Variants in ADGRE5 observed in about 807,000 individuals in gnomAD.
ADGRE5 encodes CD97 molecule.
In ADGRE5, 72 loss-of-function variants were observed where a neutral mutation model predicts 100.3. The observed-to-expected ratio is 0.72, with a 90% CI of 0.59 to 0.87. The LOEUF (loss-of-function observed/expected upper bound fraction) is 0.87, where lower values mean the gene tolerates loss of function less well. Among genes scored for constraint, ADGRE5 ranks in the 40% least tolerant of loss-of-function variants. The pLI, the probability that ADGRE5 is intolerant of heterozygous loss-of-function variation, is 0.00. For synonymous variants in ADGRE5, 439 were observed against 447.8 expected (o/e 0.98, Z 0.25); for missense variants, 959 against 1,094.7 (o/e 0.88, Z 1.75).
Position 14,402,718 on chromosome 19 carries a change from T to C in ADGRE5, c.1305T>C (p.Arg435=), listed in dbSNP as rs2146371100. Residue 435 remains arginine (R), a synonymous_variant, in exon 12 of 20, where the codon CGT becomes CGC. Coordinates refer to ENST00000242786, the MANE Select transcript of ADGRE5 (RefSeq NM_078481.4). ...AGGAGATATATGAAAGCAGCATCCG[T>C]GGTGTCCAACTCAGACGCCTCTCTG... ...ELEEIYESSI[R]GVQLRRLSAV... 6.2e-7 allele frequency: 1 copy of C among 1,614,164 alleles called. No individual in the cohort carries two copies. Among genetic ancestry groups the C allele is most frequent in the Non-Finnish European group, 8.5e-7 (1 of 1,180,040 alleles).
intron 1 of ADGRE5, among the ~76,000 whole-genome samples, chr19:14,383,787 C>T (rs746123659): frequency 4.0e-5 from 6 of 151,858 alleles, no homozygotes; most frequent in African/African-American, 7.3e-5. Context: ...TGTAGCCTCA[C>T]GGTGGGAGTA....
rs757930068 is a variant in ADGRE5 at position 14,398,097 on chromosome 19, G to A, written c.855G>A (p.Leu285=). 22 of 1,614,084 alleles carry A rather than the reference G, an allele frequency of 1.4e-5. No individual in the cohort carries two copies. In the South Asian group the frequency reaches 2.4e-4, roughly 18 times the overall value. The change falls in exon 9 of 20, where the codon CTG becomes CTA. Residue 285 remains leucine, a synonymous_variant. Transcript: ENST00000242786. ...LSRFFDKVQD[L]GRDSKTSSAE... is the part of the protein sequence containing the mutation. ...GATTCTTCGACAAAGTCCAGGACCTGGGCAGAGACTCCAAGACAAGCTCAG... is the reference window on the plus strand; with the variant it reads ...GATTCTTCGACAAAGTCCAGGACCTAGGCAGAGACTCCAAGACAAGCTCAG...
chr19:14,397,503 C>A, intron 6 of ADGRE5, 155 bp from the exon 7 acceptor site: 1 of 800,134 alleles, frequency 1.2e-6, no homozygotes, highest in Non-Finnish European at 2.0e-6. Flanking sequence ...ACGGGGCCCA[C>A]CTGCTGTGCC....
In ADGRE5 at chr19:14,391,071, C is replaced by T. The variant is rs768001496; in HGVS notation, c.338C>T (p.Thr113Ile). ...ACATTCAAGAATGAGAGCGAGAACACCTGTCAAGGTAAGAACCACCCCACG... is the reference window on the plus strand; with the variant it reads ...ACATTCAAGAATGAGAGCGAGAACATCTGTCAAGGTAAGAACCACCCCACG... Reference protein sequence around the residue: ...AKTFKNESENTCQDVDECQQN... With the variant: ...AKTFKNESENICQDVDECQQN... Residue 113 changes from threonine (T) to isoleucine (I), a missense_variant, in exon 4 of 20, where the codon ACC becomes ATC. Physicochemically the swap from Thr to Ile is moderately conservative, Grantham distance 89 (BLOSUM62 -1). Around this residue, in one of 6 missense-constraint regions of ADGRE5, gnomAD observed 114 missense variants for 195.7 expected, o/e 0.58. Transcript: ENST00000242786. The T allele has an allele frequency of 3.7e-6, 6 of 1,614,214 alleles. No individual in the cohort carries two copies. Among genetic ancestry groups the T allele is most frequent in the Non-Finnish European group, 5.1e-6 (6 of 1,180,044 alleles).
At chr19:14,385,489 C>T (rs1975314098) in intron 1 of ADGRE5, among the ~76,000 whole-genome samples, 1 of 152,178 alleles carries the variant, frequency 6.6e-6, no homozygotes, top group African/African-American at 2.4e-5. Context: ...CCCTAGGTCC[C>T]CATCTCTGAA....
rs1418881023 is a variant in ADGRE5, at chr19:14,398,662, C to G, written c.897+523C>G. Reference sequence around the variant, plus strand: ...TGCACTGCAGCCTGGGCGACAGAGCCAGACTCTGTCTCAAAAAAAAAAAAA... The same window carrying G: ...TGCACTGCAGCCTGGGCGACAGAGCGAGACTCTGTCTCAAAAAAAAAAAAA... On this transcript the variant is annotated intron_variant, in intron 9 of 19. Transcript: ENST00000242786. Among the ~76,000 whole-genome samples, 21 of 124,118 alleles carry G rather than the reference C, an allele frequency of 1.7e-4. 1 individual carries two copies. In the Admixed American group the frequency reaches 2.0e-3, roughly 12 times the overall value. The allele number at this position is 124,118 out of a possible 152,430, so 81.4% of individuals were successfully genotyped here.
rs776579920 is a variant in ADGRE5, at chr19:14,397,942, G to A, written c.819+7G>A. 2 of 1,376,574 alleles carry A rather than the reference G, an allele frequency of 1.5e-6. No individual in the cohort carries two copies. The highest frequency in any genetic ancestry group is 2.0e-6 in the Non-Finnish European group (2 of 996,832). 85.3% of individuals were successfully genotyped at this position (1,376,574 alleles called of 1,614,324 possible). A position where few individuals can be genotyped will look rare whatever the true frequency, so the allele number is the denominator to read the frequency against. ...CCCTGGAGTCCACAGCCAGGTGAGT[G>A]GCCCCCACAGGGACGAGGCGGCGGG... On this transcript the variant is annotated splice_region_variant and intron_variant, in intron 8 of 19. Coordinates refer to ENST00000242786, the MANE Select transcript of ADGRE5 (RefSeq NM_078481.4).
rs779201312 is a variant in ADGRE5, at chr19:14,397,668, G to T, written c.636G>T (p.Glu212Asp). The T allele has an allele frequency of 1.9e-6, 3 of 1,562,726 alleles. No individual in the cohort carries two copies. The East Asian group carries it at 6.8e-5, about 35-fold the overall frequency. The change falls in exon 7 of 20, where the codon GAG becomes GAT. Residue 212 changes from glutamate to aspartate, a missense_variant. Transcript: ENST00000242786. ...TCTTCCTGTCCTCAGATGTGGACGAGTGCAGCTCCGGGCAGCATCAGTGTG... is the reference window on the plus strand; with the variant it reads ...TCTTCCTGTCCTCAGATGTGGACGATTGCAGCTCCGGGCAGCATCAGTGTG... The part of the protein sequence containing the change: ...PNNTVCEDVD[E>D]CSSGQHQCDS...
At chr19:14,382,733 A>G (rs1462967596) in intron 1 of ADGRE5, among the ~76,000 whole-genome samples, 1 of 150,810 alleles carries the variant, frequency 6.6e-6, no homozygotes, top group Non-Finnish European at 1.5e-5. Flanking sequence ...TTTTGAGACA[A>G]AGTCTCGCTC....
chr19:14,389,066 C>T (rs1975465129), intron 3 of ADGRE5, among the ~76,000 whole-genome samples: 1 of 146,202 alleles, frequency 6.8e-6, no homozygotes, highest in African/African-American at 2.6e-5. Context: ...ATTATTTGAG[C>T]CCAAGAGTTT....
chr19:14,397,178 C>G lies in ADGRE5; in HGVS notation c.580C>G (p.Pro194Ala), dbSNP rs1290680111. ...YQCRCRPGWQ[P>A]IPGSPNGPNN... ...GTGCCGCTGCCGCCCGGGCTGGCAA[C>G]CGATTCCGGGGTCCCCCAATGGCCC... The change falls in exon 6 of 20, where the codon CCG becomes GCG. Residue 194 changes from proline (P) to alanine (A), a missense_variant. By Grantham distance (27) the Pro-to-Ala change is conservative. Transcript: ENST00000242786. 3.1e-6 allele frequency: 5 copies of G among 1,614,114 alleles called. No individual in the cohort carries two copies. In the Middle Eastern group the frequency reaches 6.6e-4, roughly 213 times the overall value.
chr19:14,391,227 C>G, intron 4 of ADGRE5, 148 bp downstream of exon 4: 2 of 987,020 alleles, frequency 2.0e-6, no homozygotes, highest in South Asian at 1.6e-5. Context: ...ACCTACCCCA[C>G]CACCCCAGAG....
At chr19:14,398,710 G>A (rs1337722846) in intron 9 of ADGRE5, among the ~76,000 whole-genome samples, 2 of 149,106 alleles carry the variant, frequency 1.3e-5, no homozygotes, top group Non-Finnish European at 3.0e-5. Flanking sequence ...GCCTGGAGTT[G>A]GGCCACAGAA....
chr19:14,398,241 T>G, intron 9 of ADGRE5, 102 bp downstream of exon 9: 1 of 1,005,812 alleles, frequency 9.9e-7, no homozygotes, highest in Non-Finnish European at 1.6e-6. Context: ...GGGCCTCTAG[T>G]CAGAGACACA....
chr19:14,388,873 A>AGT (rs1166622180), intron 3 of ADGRE5, 55 bp downstream of exon 3: 60 of 1,504,592 alleles, frequency 4.0e-5, no homozygotes, highest in South Asian at 2.6e-4. Flanking sequence ...GGCATTGCCC[A>AGT]GCCAGTGGGG....
chr19:14,400,995 G>T (rs943605838), intron 9 of ADGRE5, among the ~76,000 whole-genome samples: 11 of 151,936 alleles, frequency 7.2e-5, no homozygotes, highest in African/African-American at 2.4e-4. Context: ...GTGGTGGCAC[G>T]CTTCTGTAGT....
intron 6 of ADGRE5, 158 bp downstream of exon 6, chr19:14,397,381 C>T (rs758314478): frequency 3.6e-4 from 420 of 1,170,618 alleles, no homozygotes; most frequent in Non-Finnish European, 4.8e-4. Context: ...GAGCAAGGGT[C>T]CTCCGGAAGG....
chr19:14,382,861 T>C (rs1171229948), intron 1 of ADGRE5, among the ~76,000 whole-genome samples: 1 of 151,886 alleles, frequency 6.6e-6, no homozygotes, highest in African/African-American at 2.4e-5. Context: ...GGATTATAGG[T>C]GCCTGCCACC....
rs775155130 is a variant in ADGRE5 at position 14,408,079 on chromosome 19, C to T, written c.2479-13C>T. ...GGCTAGCGGGGCTCAGGCCTCTGGG[C>T]TCTCCTCTCCAGGCCCTCAGGGCAT... On this transcript the variant is annotated splice_polypyrimidine_tract_variant and intron_variant, in intron 19 of 19. Coordinates refer to ENST00000242786, the MANE Select transcript of ADGRE5 (RefSeq NM_078481.4). The T allele has an allele frequency of 3.1e-6, 5 of 1,613,964 alleles. No individual in the cohort carries two copies. The highest frequency in any genetic ancestry group is 2.2e-5 in the East Asian group (1 of 44,882).
Sources: allele counts gnomAD v4.1 joint callset (sites outside exome capture counted in the v4.1 genomes callset), GRCh38; gene constraint gnomAD v4.1.1; regional missense constraint gnomAD v4.1.1; transcripts MANE v1.5; gene names NCBI Gene and HGNC (gene_info 2026-07-23, HGNC 2026-07-21).